BARD1: variants seen among roughly 807,000 people sequenced by gnomAD.
BARD1 encodes the protein BRCA1 associated RING domain 1.
In BARD1, 73 loss-of-function variants were observed where a neutral mutation model predicts 77.0. The ratio of observed to expected loss-of-function variants is 0.95; its 90% CI spans 0.79 to 1.15. The LOEUF (loss-of-function observed/expected upper bound fraction) is 1.15. Among genes scored for constraint, BARD1 ranks in the 50% most tolerant of loss-of-function variants. BARD1 has a pLI of 0.00. For missense variants in BARD1, 993 were observed against 938.8 expected, an observed-to-expected ratio of 1.06 and a Z score of -0.75; for synonymous variants, 384 against 338.0, an observed-to-expected ratio of 1.14 and a Z score of -1.49.
At chr2:214,750,404 A>T (rs1693351547) in intron 7 of BARD1, among the ~76,000 whole-genome samples, 1 of 152,038 alleles carries the variant, frequency 6.6e-6, no homozygotes, top group Non-Finnish European at 1.5e-5. Context: ...CTAACCCTTT[A>T]CCCTGAATCC....
chr2:214,735,501 A>C (rs192306312), intron 9 of BARD1, among the ~76,000 whole-genome samples: 2 of 152,308 alleles, frequency 1.3e-5, no homozygotes, highest in Non-Finnish European at 2.9e-5. Flanking sequence ...AAAACTCACA[A>C]ACACAGAATC....
chr2:214,756,478 G>A (rs1693698827), intron 6 of BARD1, among the ~76,000 whole-genome samples: 2 of 152,146 alleles, frequency 1.3e-5, no homozygotes, highest in Admixed American at 1.3e-4. Flanking sequence ...CCACTACTGG[G>A]TGTCTACCCA....
intron 9 of BARD1, among the ~76,000 whole-genome samples, chr2:214,735,655 G>C (rs1235307669): frequency 2.0e-5 from 3 of 152,132 alleles, no homozygotes; most frequent in African/African-American, 7.2e-5. Flanking sequence ...GTTTTCTAAA[G>C]GCTGTGTATT....
intron 9 of BARD1, among the ~76,000 whole-genome samples, chr2:214,739,372 A>T (rs1692710497): frequency 6.6e-6 from 1 of 152,202 alleles, no homozygotes. Flanking sequence ...TCAAGATAAC[A>T]GTATGTAAGT....
At position 214,796,845 on chromosome 2, in the gene BARD1, G is replaced by A. The variant is rs867040267; in HGVS notation, c.215+216C>T. On this transcript the variant is annotated intron_variant, in intron 2 of 10. Coordinates refer to ENST00000260947, the MANE Select transcript of BARD1 (RefSeq NM_000465.4). ...TTGGCAAAGCTGTCTACTAAGCTTT[G>A]TAACTTGGACAAGTCATCCTCTTTG... The A allele has an allele frequency of 3.9e-4, 222 of 562,136 alleles. 2 individuals carry two copies. The Middle Eastern group carries it at 8.2e-3, about 21-fold the overall frequency. 34.8% of individuals were successfully genotyped at this position (562,136 alleles called of 1,614,324 possible). A position where few individuals can be genotyped will look rare whatever the true frequency, so the allele number is the denominator to read the frequency against.
intron 6 of BARD1, among the ~76,000 whole-genome samples, chr2:214,764,558 GA>G (rs1225972145): frequency 6.6e-6 from 1 of 152,148 alleles, no homozygotes; most frequent in Non-Finnish European, 1.5e-5. Flanking sequence ...AGGAAAGGGG[GA>G]AAGGAGAAGC....
At chr2:214,752,988 TAACA>T (rs943056423) in intron 6 of BARD1, among the ~76,000 whole-genome samples, 1 of 152,168 alleles carries the variant, frequency 6.6e-6, no homozygotes, top group Non-Finnish European at 1.5e-5. Flanking sequence ...TTATGCCACA[TAACA>T]AACAGTTTAA....
intron 9 of BARD1, among the ~76,000 whole-genome samples, chr2:214,733,088 C>A (rs528899021): frequency 6.6e-6 from 1 of 152,164 alleles, no homozygotes; most frequent in East Asian, 1.9e-4. Context: ...AAGATCTGCA[C>A]AGTCAAGTGC....
chr2:214,754,338 CAAAAAAAG>C (rs1271906788), intron 6 of BARD1, among the ~76,000 whole-genome samples: 3 of 146,004 alleles, frequency 2.1e-5, no homozygotes, highest in Non-Finnish European at 3.0e-5. Flanking sequence ...ACTGTTTCAA[CAAAAAAAG>C]AAAAAATGAG....
intron 9 of BARD1, among the ~76,000 whole-genome samples, chr2:214,742,358 T>C (rs1692877452): frequency 6.6e-6 from 1 of 152,184 alleles, no homozygotes. Flanking sequence ...CAAACTGAGA[T>C]GCTTGACACT....
Position 214,728,022 on chromosome 2 carries a change from T to C in BARD1, c.*654A>G, listed in dbSNP as rs779398046. On this transcript the variant is annotated 3_prime_UTR_variant, in exon 11 of 11. Coordinates refer to ENST00000260947, the MANE Select transcript of BARD1 (RefSeq NM_000465.4). Reference sequence around the variant, plus strand: ...AGAATAAAAATATGTACCATGAGCCTAGTGTTGATTTTTACCACACACACA... The same window carrying C: ...AGAATAAAAATATGTACCATGAGCCCAGTGTTGATTTTTACCACACACACA... 1.8e-5 allele frequency: 4 copies of C among 222,878 alleles called. No individual in the cohort carries two copies. The highest frequency in any genetic ancestry group is 3.6e-5 in the Non-Finnish European group (4 of 111,744). 13.8% of individuals were successfully genotyped at this position (222,878 alleles called of 1,614,324 possible). A position where few individuals can be genotyped will look rare whatever the true frequency, so the allele number is the denominator to read the frequency against.
intron 1 of BARD1, among the ~76,000 whole-genome samples, chr2:214,805,370 C>T (rs1696221047): frequency 6.6e-6 from 1 of 152,156 alleles, no homozygotes; most frequent in Non-Finnish European, 1.5e-5. Context: ...CACAGTGTCT[C>T]AGTGATTTCT....
chr2:214,758,435 AG>A (rs1185493979), intron 6 of BARD1, among the ~76,000 whole-genome samples: 2 of 152,212 alleles, frequency 1.3e-5, no homozygotes, highest in African/African-American at 4.8e-5. Flanking sequence ...AATGAAGATA[AG>A]GGCACAAAAT....
At position 214,780,667 on chromosome 2, in the gene BARD1, T is replaced by C. The variant is rs1060501286; in HGVS notation, c.1207A>G (p.Ser403Gly). ...GGACTAGACATCACTCGCCTGTAAC[T>C]TGAACTACTTAATGTAGAAGGTGGT... ...GTPPSTLSSS[S>G]YRRVMSSPSA... The change falls in exon 4 of 11, where the codon AGT (serine) becomes GGT (glycine). Residue 403 changes from serine (S) to glycine (G), a missense_variant. By Grantham distance (56) the Ser-to-Gly change is moderately conservative (BLOSUM62 0). Coordinates refer to ENST00000260947, the MANE Select transcript of BARD1 (RefSeq NM_000465.4). 8 of 1,614,090 alleles carry C rather than the reference T, an allele frequency of 5.0e-6. No homozygotes were observed. Among genetic ancestry groups the C allele is most frequent in the South Asian group, 3.3e-5 (3 of 91,076 alleles).
In BARD1 at chr2:214,781,127, G is replaced by A. The variant is rs746551077; in HGVS notation, c.747C>T (p.Ile249=). The change falls in exon 4 of 11, where the codon ATC becomes ATT. Residue 249 remains isoleucine (I), a synonymous_variant. Coordinates refer to ENST00000260947, the MANE Select transcript of BARD1 (RefSeq NM_000465.4). ...LVSFCSQPSV[I]SSPQINGEID... is the part of the protein sequence containing the mutation. Reference sequence around the variant, plus strand: ...TTTCACCATTTATCTGAGGACTGGAGATAACAGATGGTTGGCTACAGAAGG... The same window carrying A: ...TTTCACCATTTATCTGAGGACTGGAAATAACAGATGGTTGGCTACAGAAGG... 10 of 1,575,834 alleles carry A rather than the reference G, an allele frequency of 6.3e-6. No homozygotes were observed. The highest frequency in any genetic ancestry group is 1.4e-5 in the African/African-American group (1 of 73,114).
chr2:214,799,528 C>G (rs1695917578), intron 1 of BARD1, among the ~76,000 whole-genome samples: 1 of 152,134 alleles, frequency 6.6e-6, no homozygotes, highest in South Asian at 2.1e-4. Flanking sequence ...CACCAGTCAT[C>G]TTACCCTTCC....
chr2:214,737,431 T>C (rs1692614707), intron 9 of BARD1, among the ~76,000 whole-genome samples: 1 of 152,092 alleles, frequency 6.6e-6, no homozygotes, highest in African/African-American at 2.4e-5. Flanking sequence ...GATCAAGTTT[T>C]TTTGTTCATC....
chr2:214,737,928 T>C (rs1692639428), intron 9 of BARD1, among the ~76,000 whole-genome samples: 1 of 152,002 alleles, frequency 6.6e-6, no homozygotes, highest in Non-Finnish European at 1.5e-5. Context: ...AAAGATGAAC[T>C]CTTCTACTTC....
At chr2:214,796,853 G>T in intron 2 of BARD1, 2 of 567,896 alleles carry the variant, frequency 3.5e-6, no homozygotes, top group South Asian at 2.3e-5. Context: ...TTGTAACTTG[G>T]ACAAGTCATC....
Sources: allele counts gnomAD v4.1 joint callset (sites outside exome capture counted in the v4.1 genomes callset), GRCh38; gene constraint gnomAD v4.1.1; transcripts MANE v1.5; gene names NCBI Gene and HGNC (gene_info 2026-07-23, HGNC 2026-07-21).